The following ZBTB14 variants were observed in gnomAD, a reference collection of about 807,000 sequenced individuals.
The protein encoded by ZBTB14 is zinc finger and BTB domain containing 14.
Under a neutral mutation model 29.5 loss-of-function variants are expected in ZBTB14, and 8 were observed. That is an observed-to-expected ratio of 0.27 (90% CI 0.16 to 0.49). The LOEUF (loss-of-function observed/expected upper bound fraction) is 0.49. Among genes scored for constraint, ZBTB14 ranks in the 20% least tolerant of loss-of-function variants. The pLI, the probability that ZBTB14 is intolerant of heterozygous loss-of-function variation, is 0.99. For missense variants in ZBTB14, 333 were observed against 563.8 expected (o/e 0.59, Z 4.15); for synonymous variants, 226 against 207.2 (o/e 1.09, Z -0.78).
At chr18:5,293,523 T>TA in intron 2 of ZBTB14, 196 bp from the exon 3 acceptor site, 1 of 354,956 alleles carries the variant, frequency 2.8e-6, no homozygotes, top group African/African-American at 2.0e-5. Flanking sequence ...ATAAGGGCTG[T>TA]AGCACTCGGG....
intron 1 of ZBTB14, among the ~76,000 whole-genome samples, chr18:5,295,140 C>A (rs1053002558): frequency 6.8e-6 from 1 of 146,272 alleles, no homozygotes; most frequent in African/African-American, 2.5e-5. Flanking sequence ...GCGGCGGCCC[C>A]GGCGGCGCGA....
chr18:5,296,250 G>C (rs908337799), upstream of ZBTB14: 3 of 150,322 alleles, frequency 2.0e-5, no homozygotes, highest in East Asian at 2.0e-4. Context: ...CGCGCGGCTT[G>C]GGGCGCGCGG....
At chr18:5,292,693 C>G (rs1256941757) in intron 3 of ZBTB14, among the ~76,000 whole-genome samples, 1 of 152,206 alleles carries the variant, frequency 6.6e-6, no homozygotes, top group African/African-American at 2.4e-5. Flanking sequence ...CTCTGTTGCA[C>G]CTACTCTTAT....
In ZBTB14 at chr18:5,291,732, T is replaced by C. The variant is rs2071820185; in HGVS notation, c.476A>G (p.Gln159Arg). The change falls in exon 4 of 4, where the codon CAG (glutamine) becomes CGG (arginine). Residue 159 changes from glutamine (Q) to arginine (R), a missense_variant. Transcript: ENST00000651870. The surrounding 1 kb of genome is among the most constrained non-coding windows in gnomAD (Gnocchi z 5.8). ...CCCGATTTCCTCTACATCATCATCC[T>C]GGGTGTCAGCAGCATCTCCAATGGG... ...NRPIGDAADT[Q>R]DDDVEEIGDQ... The C allele has an allele frequency of 3.7e-6, 6 of 1,614,128 alleles. No homozygotes were observed. Among genetic ancestry groups the C allele is most frequent in the Non-Finnish European group, 5.1e-6 (6 of 1,180,016 alleles).
upstream of ZBTB14, chr18:5,296,039 A>G (rs1598350363): frequency 1.4e-5 from 2 of 145,930 alleles, no homozygotes; most frequent in Admixed American, 1.4e-4. Flanking sequence ...GGCCGTGAAC[A>G]CCCCCACCGC....
At chr18:5,292,996 G>A (rs28496169) in intron 3 of ZBTB14, among the ~76,000 whole-genome samples, 4,749 of 152,290 alleles carry the variant, frequency 0.031, 258 homozygotes, top group African/African-American at 0.11. Flanking sequence ...TACTTGATAA[G>A]TGCTGAGAGT....
Position 5,291,528 on chromosome 18 carries a change from T to A in ZBTB14, c.680A>T (p.Glu227Val). ...GQEVESMETP[E>V]SKDLGSQTPQ... The stretch of plus-strand genomic sequence containing the variant: ...GGTCTGGGACCCCAAGTCTTTTGAT[T>A]CTGGGGTCTCCATGGATTCTACTTC... The change falls in exon 4 of 4, where the codon GAA becomes GTA. Residue 227 changes from glutamate to valine, a missense_variant. Physicochemically the swap from Glu to Val is moderately radical, Grantham distance 121. Around this residue, in one of 3 missense-constraint regions of ZBTB14, gnomAD observed 126 missense variants for 132.2 expected, o/e 0.95. Coordinates refer to ENST00000651870, the MANE Select transcript of ZBTB14 (RefSeq NM_001243702.2). The surrounding 1 kb of genome is among the most constrained non-coding windows in gnomAD (Gnocchi z 5.8). The A allele has an allele frequency of 6.2e-7, 1 of 1,614,168 alleles. No individual in the cohort carries two copies. The highest frequency in any genetic ancestry group is 8.5e-7 in the Non-Finnish European group (1 of 1,180,030).
chr18:5,294,999 G>A (rs2071913510), intron 1 of ZBTB14, among the ~76,000 whole-genome samples: 1 of 152,026 alleles, frequency 6.6e-6, no homozygotes, highest in African/African-American at 2.4e-5. Context: ...GAGGCCGTTT[G>A]CACTCCTTCC....
chr18:5,294,226 G>A (rs1320813930), intron 1 of ZBTB14, among the ~76,000 whole-genome samples: 1 of 152,196 alleles, frequency 6.6e-6, no homozygotes, highest in African/African-American at 2.4e-5. Context: ...GAAGTTTGAG[G>A]TTAGGCAACA....
In ZBTB14 at chr18:5,289,565, T is replaced by A. The variant is rs1480701922; in HGVS notation, c.*1293A>T. 1 of 152,208 alleles carries A rather than the reference T, an allele frequency of 6.6e-6. No homozygotes were observed. The highest frequency in any genetic ancestry group is 1.5e-5 in the Non-Finnish European group (1 of 68,014). The allele number at this position is 152,208 out of a possible 1,614,324, so 9.4% of individuals were successfully genotyped here. ...AAGATGGTTAAAAGAACATTTAGTATACCAAAACTGGAATAGAGTTTATAA... is the reference window on the plus strand; with the variant it reads ...AAGATGGTTAAAAGAACATTTAGTAAACCAAAACTGGAATAGAGTTTATAA... On this transcript the variant is annotated 3_prime_UTR_variant, in exon 4 of 4. Transcript: ENST00000651870.
In ZBTB14 at chr18:5,290,828, T is replaced by C. The variant is rs757363250; in HGVS notation, c.*30A>G. Reference sequence around the variant, plus strand: ...ATCCACGTCATCTCAGTCTCCACTTTCCAGGCAAAGTGTCCCTGTCCCACC... The same window carrying C: ...ATCCACGTCATCTCAGTCTCCACTTCCCAGGCAAAGTGTCCCTGTCCCACC... On this transcript the variant is annotated 3_prime_UTR_variant, in exon 4 of 4. Coordinates refer to ENST00000651870, the MANE Select transcript of ZBTB14 (RefSeq NM_001243702.2). 1.9e-5 allele frequency: 31 copies of C among 1,594,024 alleles called. No individual in the cohort carries two copies. In the Middle Eastern group the frequency reaches 2.2e-3, roughly 113 times the overall value.
At chr18:5,293,420 G>T in intron 2 of ZBTB14, 93 bp from the exon 3 acceptor site, 2 of 712,782 alleles carry the variant, frequency 2.8e-6, no homozygotes, top group South Asian at 2.1e-5. Context: ...AAACTTTCTT[G>T]TTCCCTCTTT....
rs1012009568 is a variant in ZBTB14 at position 5,289,985 on chromosome 18, A to C, written c.*873T>G. On this transcript the variant is annotated 3_prime_UTR_variant, in exon 4 of 4. Transcript: ENST00000651870. ...TAATTTTGATTCTAAATAAAAATCC[A>C]ATTTCAAAATCAATTAAGATTTTAA... 1 of 152,248 alleles carries C rather than the reference A, an allele frequency of 6.6e-6. No individual in the cohort carries two copies. The highest frequency in any genetic ancestry group is 1.5e-5 in the Non-Finnish European group (1 of 68,046). 9.4% of individuals were successfully genotyped at this position (152,248 alleles called of 1,614,324 possible). A position where few individuals can be genotyped will look rare whatever the true frequency, so the allele number is the denominator to read the frequency against.
At position 5,291,398 on chromosome 18, in the gene ZBTB14, A is replaced by G. The variant is rs779777956; in HGVS notation, c.810T>C (p.Tyr270=). ...ASDMKFEYLL[Y]GHHREQIACQ... is the part of the protein sequence containing the mutation. ...AGGCAATCTGCTCCCGATGGTGACC[A>G]TAAAGCAAATACTCAAACTTCATGT... Residue 270 remains tyrosine, a synonymous_variant, in exon 4 of 4, where the codon TAT becomes TAC. Transcript: ENST00000651870. The surrounding 1 kb of genome is among the most constrained non-coding windows in gnomAD (Gnocchi z 5.8). 8.1e-6 allele frequency: 13 copies of G among 1,614,260 alleles called. No homozygotes were observed. The highest frequency in any genetic ancestry group is 8.5e-6 in the Non-Finnish European group (10 of 1,180,054).
chr18:5,292,238 T>C (rs1182399469), intron 3 of ZBTB14, 34 bp from the exon 4 acceptor site: 1 of 1,432,174 alleles, frequency 7.0e-7, no homozygotes, highest in Non-Finnish European at 9.2e-7. Context: ...TAATTATAAA[T>C]AGTACTTTTC....
In ZBTB14 at chr18:5,291,632, G is replaced by A. The variant is rs1567906339; in HGVS notation, c.576C>T (p.Thr192=). 5.6e-6 allele frequency: 9 copies of A among 1,613,878 alleles called. No individual in the cohort carries two copies. The highest frequency in any genetic ancestry group is 7.6e-6 in the Non-Finnish European group (9 of 1,180,004). ...TCGCTTCCTGAACCCTGAGCGTTGTGGTGGGCGACTTGCCGTCCTCCTGAC... is the reference window on the plus strand; with the variant it reads ...TCGCTTCCTGAACCCTGAGCGTTGTAGTGGGCGACTTGCCGTCCTCCTGAC... ...PPSQEDGKSP[T]TTLRVQEAIL... is the part of the protein sequence containing the mutation. Residue 192 remains threonine (T), a synonymous_variant, in exon 4 of 4, where the codon ACC becomes ACT. Coordinates refer to ENST00000651870, the MANE Select transcript of ZBTB14 (RefSeq NM_001243702.2). The surrounding 1 kb of genome is among the most constrained non-coding windows in gnomAD (Gnocchi z 5.8).
Position 5,293,240 on chromosome 18 carries a change from T to C in ZBTB14, c.3+4A>G, listed in dbSNP as rs776541423. On this transcript the variant is annotated splice_donor_region_variant and intron_variant, in intron 3 of 3. Coordinates refer to ENST00000651870, the MANE Select transcript of ZBTB14 (RefSeq NM_001243702.2). Reference sequence around the variant, plus strand: ...CAAGATTTAATATCCAAAGTTATAGTTACCATGAACAACTCAGGCTATTAT... The same window carrying C: ...CAAGATTTAATATCCAAAGTTATAGCTACCATGAACAACTCAGGCTATTAT... 6 of 1,613,176 alleles carry C rather than the reference T, an allele frequency of 3.7e-6. No homozygotes were observed. In the Admixed American group the frequency reaches 8.4e-5, roughly 22 times the overall value.
In ZBTB14 at chr18:5,291,915, A is replaced by G; in HGVS notation, c.293T>C (p.Ile98Thr). Residue 98 changes from isoleucine to threonine, a missense_variant, in exon 4 of 4, where the codon ATT becomes ACT. Around this residue, in one of 3 missense-constraint regions of ZBTB14, gnomAD observed 67 missense variants for 157.0 expected, o/e 0.43. Coordinates refer to ENST00000651870, the MANE Select transcript of ZBTB14 (RefSeq NM_001243702.2). This position sits in a 1 kb window ranked among gnomAD's most constrained non-coding sequence, Gnocchi z 5.8. Reference sequence around the variant, plus strand: ...GTTAACATCTTCTTTTTTCACGGAAATCTTTGCTGTGTACATGTAGTTCAG... The same window carrying G: ...GTTAACATCTTCTTTTTTCACGGAAGTCTTTGCTGTGTACATGTAGTTCAG... ...EVLNYMYTAK[I>T]SVKKEDVNLM... The G allele has an allele frequency of 6.2e-7, 1 of 1,614,180 alleles. No individual in the cohort carries two copies. The highest frequency in any genetic ancestry group is 8.5e-7 in the Non-Finnish European group (1 of 1,180,024).
intron 2 of ZBTB14, chr18:5,293,749 G>C (rs923774555): frequency 2.9e-5 from 3 of 104,216 alleles, no homozygotes; most frequent in African/African-American, 9.2e-5. Flanking sequence ...CAAACCTATA[G>C]AAGTATATAC....
Sources: allele counts gnomAD v4.1 joint callset (sites outside exome capture counted in the v4.1 genomes callset), GRCh38; gene constraint gnomAD v4.1.1; regional missense constraint gnomAD v4.1.1; non-coding constraint Gnocchi (gnomAD v3.1); transcripts MANE v1.5; gene names NCBI Gene and HGNC (gene_info 2026-07-23, HGNC 2026-07-21).